The following IL7R variants were observed in gnomAD, a reference collection of about 807,000 sequenced individuals.
IL7R encodes the protein interleukin 7 receptor.
Under a neutral mutation model 47.0 loss-of-function variants are expected in IL7R, and 38 were observed. The observed-to-expected ratio is 0.81, with a 90% CI of 0.62 to 1.06. The LOEUF (loss-of-function observed/expected upper bound fraction) is 1.06. IL7R is among the 50% of genes least tolerant of loss of function. The pLI is 0.00. For missense variants in IL7R, 633 were observed against 534.8 expected (o/e 1.18, Z -1.81); for synonymous variants, 221 against 199.8 (o/e 1.11, Z -0.89).
rs1760267294 is a variant in IL7R at position 35,878,418 on chromosome 5, C to G, written c.*1932C>G. On this transcript the variant is annotated 3_prime_UTR_variant, in exon 8 of 8. Transcript: ENST00000303115. The stretch of plus-strand genomic sequence containing the variant: ...AAATTGCAAAACCTAATGAAAGTGA[C>G]TGCTTGGTAAACAAATTATTATTAT... 2 of 232,922 alleles carry G rather than the reference C, an allele frequency of 8.6e-6. No homozygotes were observed. The highest frequency in any genetic ancestry group is 3.6e-4 in the South Asian group (2 of 5,526). The allele number at this position is 232,922 out of a possible 1,614,324, so 14.4% of individuals were successfully genotyped here.
At position 35,876,010 on chromosome 5, in the gene IL7R, A is replaced by G. The variant is rs771361407; in HGVS notation, c.904A>G (p.Ser302Gly). 1.2e-6 allele frequency: 2 copies of G among 1,613,766 alleles called. No individual in the cohort carries two copies. The highest frequency in any genetic ancestry group is 1.1e-5 in the South Asian group (1 of 91,076). Reference sequence around the variant, plus strand: ...TTTAAATGTGAGTTTCAATCCTGAAAGTTTCCTGGACTGCCAGATTCATAG... The same window carrying G: ...TTTAAATGTGAGTTTCAATCCTGAAGGTTTCCTGGACTGCCAGATTCATAG... ...KNLNVSFNPE[S>G]FLDCQIHRVD... Residue 302 changes from serine to glycine, a missense_variant, in exon 8 of 8, where the codon AGT becomes GGT. Coordinates refer to ENST00000303115, the MANE Select transcript of IL7R (RefSeq NM_002185.5).
chr5:35,872,912 A>T (rs1760105753), intron 4 of IL7R, among the ~76,000 whole-genome samples: 1 of 152,214 alleles, frequency 6.6e-6, no homozygotes, highest in African/African-American at 2.4e-5. Context: ...AAATCTCATA[A>T]AGTATGGAAT....
At chr5:35,858,987 G>A (rs527479975) in intron 1 of IL7R, among the ~76,000 whole-genome samples, 6 of 152,254 alleles carry the variant, frequency 3.9e-5, no homozygotes, top group African/African-American at 7.2e-5. Context: ...TTCAGCTCAC[G>A]TCATGTAGAA....
In IL7R at chr5:35,874,540, A is replaced by G. The variant is rs1300442475; in HGVS notation, c.798A>G (p.Lys266=). 1 of 1,606,938 alleles carries G rather than the reference A, an allele frequency of 6.2e-7. No individual in the cohort carries two copies. Among genetic ancestry groups the G allele is most frequent in the East Asian group, 2.2e-5 (1 of 44,848 alleles). ...TCTTGGCCTGTGTGTTATGGAAAAA[A>G]AGGTGACCTTCTTCAACTAATAAAG... ...LVILACVLWK[K]RIKPIVWPSL... is the part of the protein sequence containing the mutation. Residue 266 remains lysine, a splice_region_variant and synonymous_variant, in exon 6 of 8, where the codon AAA becomes AAG. Transcript: ENST00000303115.
At chr5:35,868,404 T>TA (rs1337407146) in intron 3 of IL7R, among the ~76,000 whole-genome samples, 1 of 152,112 alleles carries the variant, frequency 6.6e-6, no homozygotes, top group Non-Finnish European at 1.5e-5. Flanking sequence ...ACTAAGATGA[T>TA]AAAATAGAGA....
chr5:35,860,673 TG>T (rs1759779059), intron 1 of IL7R, among the ~76,000 whole-genome samples, 178 bp from the exon 2 acceptor site: 5 of 152,258 alleles, frequency 3.3e-5, no homozygotes, highest in African/African-American at 1.2e-4. Context: ...TTTTGTTGGT[TG>T]GTTGGTTTTG....
Position 35,878,175 on chromosome 5 carries a change from T to C in IL7R, c.*1689T>C, listed in dbSNP as rs1049025987. 1.3e-5 allele frequency: 3 copies of C among 233,180 alleles called. No homozygotes were observed. Among genetic ancestry groups the C allele is most frequent in the Non-Finnish European group, 1.7e-5 (2 of 118,064 alleles). The allele number at this position is 233,180 out of a possible 1,614,324, so 14.4% of individuals were successfully genotyped here. ...CAGACCATCTTATTCTTCAGGTGAA[T>C]GTTTTACTTTCCAAAGTGCTCTCCT... is the stretch of plus-strand genomic sequence containing the variant. On this transcript the variant is annotated 3_prime_UTR_variant, in exon 8 of 8. Coordinates refer to ENST00000303115, the MANE Select transcript of IL7R (RefSeq NM_002185.5).
At position 35,876,932 on chromosome 5, in the gene IL7R, C is replaced by T. The variant is rs992564035; in HGVS notation, c.*446C>T. 7 of 257,502 alleles carry T rather than the reference C, an allele frequency of 2.7e-5. No homozygotes were observed. Among genetic ancestry groups the T allele is most frequent in the African/African-American group, 4.4e-5 (2 of 45,744 alleles). 16.0% of individuals were successfully genotyped at this position (257,502 alleles called of 1,614,324 possible). A position where few individuals can be genotyped will look rare whatever the true frequency, so the allele number is the denominator to read the frequency against. On this transcript the variant is annotated 3_prime_UTR_variant, in exon 8 of 8. Transcript: ENST00000303115. ...GTCTCACTCCATCCTGACAATAATC[C>T]TGGGAGGTGTGTGCAATTACTACGA...
intron 2 of IL7R, among the ~76,000 whole-genome samples, chr5:35,861,241 C>G (rs1211350534): frequency 1.3e-5 from 2 of 152,124 alleles, no homozygotes; most frequent in Non-Finnish European, 2.9e-5. Flanking sequence ...TCCCACATCC[C>G]TCCCAACTTC....
intron 1 of IL7R, among the ~76,000 whole-genome samples, chr5:35,858,254 T>C (rs909101516): frequency 6.6e-6 from 1 of 152,192 alleles, no homozygotes; most frequent in Non-Finnish European, 1.5e-5. Flanking sequence ...TTAGAAGATG[T>C]ATAATTACCC....
chr5:35,866,096 C>T (rs940424266), intron 2 of IL7R, among the ~76,000 whole-genome samples: 4 of 152,060 alleles, frequency 2.6e-5, no homozygotes, highest in African/African-American at 9.7e-5. Context: ...CTTTCTATTT[C>T]TTATTTGCTG....
chr5:35,869,112 C>G (rs1760009746), intron 3 of IL7R, among the ~76,000 whole-genome samples: 1 of 152,152 alleles, frequency 6.6e-6, no homozygotes, highest in African/African-American at 2.4e-5. Flanking sequence ...TAATGGGACA[C>G]TTCATTAATG....
intron 1 of IL7R, among the ~76,000 whole-genome samples, chr5:35,858,245 TAGA>T (rs1485382049): frequency 2.0e-5 from 3 of 152,210 alleles, no homozygotes; most frequent in Non-Finnish European, 4.4e-5. Context: ...TCAGATTTTT[TAGA>T]AGATGTATAA....
chr5:35,870,947 T>C, intron 3 of IL7R, 109 bp from the exon 4 acceptor site: 1 of 939,774 alleles, frequency 1.1e-6, no homozygotes, highest in Admixed American at 1.8e-5. Flanking sequence ...GTTGGCCATT[T>C]ACTGACACAA....
intron 2 of IL7R, 43 bp downstream of exon 2, chr5:35,861,033 C>A (rs1276890644): frequency 2.5e-6 from 4 of 1,592,914 alleles, no homozygotes; most frequent in Non-Finnish European, 3.4e-6. Flanking sequence ...CATCCTCTGT[C>A]TCTCTTTTCA....
chr5:35,860,723 T>C, intron 1 of IL7R, 129 bp from the exon 2 acceptor site: 1 of 987,752 alleles, frequency 1.0e-6, no homozygotes, highest in East Asian at 2.4e-5. Context: ...CTTTTCTTCC[T>C]TGAATACTAC....
intron 6 of IL7R, 25 bp downstream of exon 6, chr5:35,874,567 G>A (rs754488452): frequency 6.8e-7 from 1 of 1,476,924 alleles, no homozygotes; most frequent in Non-Finnish European, 9.5e-7. Flanking sequence ...CTAATAAAGA[G>A]GGTGATTGTG....
In IL7R at chr5:35,857,045, G is replaced by C. The variant is rs760033705; in HGVS notation, c.68G>C (p.Gly23Ala). Reference protein sequence around the residue: ...SLLQVVSGESGYAQNGDLEDA... With the variant: ...SLLQVVSGESAYAQNGDLEDA... ...CTTCAAGTCGTTTCTGGAGAAAGTG[G>C]CTATGCTCAAAATGGTGAGTCATTT... The change falls in exon 1 of 8, where the codon GGC becomes GCC. Residue 23 changes from glycine (G) to alanine (A), a missense_variant. Transcript: ENST00000303115. The C allele has an allele frequency of 1.2e-6, 2 of 1,602,536 alleles. No individual in the cohort carries two copies. Among genetic ancestry groups the C allele is most frequent in the Non-Finnish European group, 8.5e-7 (1 of 1,170,058 alleles).
In IL7R at chr5:35,876,845, G is replaced by T; in HGVS notation, c.*359G>T. On this transcript the variant is annotated 3_prime_UTR_variant, in exon 8 of 8. Coordinates refer to ENST00000303115, the MANE Select transcript of IL7R (RefSeq NM_002185.5). ...AAAGAAAGAAAGGAAAATAAAAAATGATAGTTGCCATTATTAGGATTTAAT... is the reference window on the plus strand; with the variant it reads ...AAAGAAAGAAAGGAAAATAAAAAATTATAGTTGCCATTATTAGGATTTAAT... 1 of 360,862 alleles carries T rather than the reference G, an allele frequency of 2.8e-6. No individual in the cohort carries two copies. The highest frequency in any genetic ancestry group is 7.8e-4 in the Middle Eastern group (1 of 1,274). The allele number at this position is 360,862 out of a possible 1,614,324, so 22.4% of individuals were successfully genotyped here. A position where few individuals can be genotyped will look rare whatever the true frequency, so the allele number is the denominator to read the frequency against.
Sources: allele counts gnomAD v4.1 joint callset (sites outside exome capture counted in the v4.1 genomes callset), GRCh38; gene constraint gnomAD v4.1.1; transcripts MANE v1.5; gene names NCBI Gene and HGNC (gene_info 2026-07-23, HGNC 2026-07-21).